GRIN2A: variants seen among roughly 807,000 people sequenced by gnomAD.
GRIN2A encodes glutamate receptor ionotropic, NMDA 2A.
In GRIN2A, 22 loss-of-function variants were observed where a neutral mutation model predicts 113.4. The ratio of observed to expected loss-of-function variants is 0.19; its 90% CI spans 0.14 to 0.28. The LOEUF is 0.28. Among genes scored for constraint, GRIN2A ranks in the 10% least tolerant of loss-of-function variants. The pLI is 1.00. For missense variants in GRIN2A, 1,502 were observed against 1,887.0 expected, an observed-to-expected ratio of 0.80 and a Z score of 3.78; for synonymous variants, 827 against 738.4, an observed-to-expected ratio of 1.12 and a Z score of -1.94.
chr16:10,099,186 G>A (rs2048349225), intron 2 of GRIN2A, among the ~76,000 whole-genome samples: 1 of 152,090 alleles, frequency 6.6e-6, no homozygotes, highest in Non-Finnish European at 1.5e-5. Context: ...GCATCATTAT[G>A]AGTAACTGCA....
chr16:10,019,639 C>T (rs1162996672), intron 2 of GRIN2A, among the ~76,000 whole-genome samples: 2 of 152,222 alleles, frequency 1.3e-5, no homozygotes, highest in East Asian at 1.9e-4. Flanking sequence ...ACCCCCAATG[C>T]CTCTTTACTA....
At chr16:10,143,874 G>T (rs914417040) in intron 2 of GRIN2A, among the ~76,000 whole-genome samples, 1 of 152,134 alleles carries the variant, frequency 6.6e-6, no homozygotes, top group African/African-American at 2.4e-5. Flanking sequence ...GCTGAGGCAG[G>T]AGGATTGCTT....
chr16:10,049,611 T>C (rs2141981110), intron 2 of GRIN2A, among the ~76,000 whole-genome samples: 1 of 152,292 alleles, frequency 6.6e-6, no homozygotes, highest in East Asian at 1.9e-4. Context: ...ACTCCTGACA[T>C]CAGGTGATCC....
chr16:9,774,025 G>T (rs1176199195), intron 11 of GRIN2A, among the ~76,000 whole-genome samples: 2 of 148,576 alleles, frequency 1.3e-5, no homozygotes, highest in East Asian at 1.9e-4. Context: ...AAGGGAACAG[G>T]CAAGGATAAT....
At chr16:10,070,043 C>T (rs1205221573) in intron 2 of GRIN2A, among the ~76,000 whole-genome samples, 1 of 152,196 alleles carries the variant, frequency 6.6e-6, no homozygotes. Context: ...CAATGTTCCC[C>T]ACTCCAGCAG....
At chr16:9,895,105 C>T (rs2043777284) in intron 3 of GRIN2A, among the ~76,000 whole-genome samples, 1 of 152,080 alleles carries the variant, frequency 6.6e-6, no homozygotes, top group African/African-American at 2.4e-5. Flanking sequence ...CTTAATTTTT[C>T]AAGGTTGGGG....
intron 2 of GRIN2A, among the ~76,000 whole-genome samples, chr16:10,096,539 A>AACACACAC (rs59351819): frequency 0.15 from 21,211 of 137,598 alleles, 1,957 homozygotes; most frequent in East Asian, 0.3. Context: ...ATTGTGGTAA[A>AACACACAC]ACACACACAC....
chr16:9,798,631 A>C (rs1045458215), intron 10 of GRIN2A, among the ~76,000 whole-genome samples, 167 bp from the exon 11 acceptor site: 2 of 152,314 alleles, frequency 1.3e-5, no homozygotes, highest in Non-Finnish European at 2.9e-5. Context: ...TTTAATGAGG[A>C]GATAAAAGCC....
intron 2 of GRIN2A, among the ~76,000 whole-genome samples, chr16:10,177,442 T>G (rs953786745): frequency 6.6e-6 from 1 of 152,126 alleles, no homozygotes; most frequent in Non-Finnish European, 1.5e-5. Context: ...GGCCAATGTC[T>G]CCAAGACCAA....
At chr16:10,135,619 T>C (rs750489275) in intron 2 of GRIN2A, among the ~76,000 whole-genome samples, 1 of 152,172 alleles carries the variant, frequency 6.6e-6, no homozygotes, top group Non-Finnish European at 1.5e-5. Context: ...GCGGGAGACA[T>C]ATATTAAGAA....
At chr16:9,946,087 C>T (rs947543238) in intron 2 of GRIN2A, among the ~76,000 whole-genome samples, 1 of 152,196 alleles carries the variant, frequency 6.6e-6, no homozygotes, top group African/African-American at 2.4e-5. Context: ...ACACAATGAT[C>T]ATTGCTCTTG....
intron 2 of GRIN2A, among the ~76,000 whole-genome samples, chr16:10,050,787 T>A (rs1472392514): frequency 6.6e-6 from 1 of 152,098 alleles, no homozygotes; most frequent in Non-Finnish European, 1.5e-5. Flanking sequence ...GCCAAAAAGA[T>A]TGAGGACCAC....
chr16:9,790,919 G>A (rs1298043949), intron 11 of GRIN2A, among the ~76,000 whole-genome samples: 3 of 152,292 alleles, frequency 2.0e-5, no homozygotes, highest in East Asian at 3.9e-4. Context: ...GTATGCCCTC[G>A]AGGAATCTAT....
intron 3 of GRIN2A, among the ~76,000 whole-genome samples, chr16:9,914,318 A>G (rs1202351230): frequency 6.6e-6 from 1 of 152,234 alleles, no homozygotes; most frequent in Non-Finnish European, 1.5e-5. Flanking sequence ...TGCACCAACA[A>G]GAAAGGCAGA....
chr16:9,822,278 G>T lies in GRIN2A; in HGVS notation c.2154C>A (p.Val718=). ...FNQKGVEDAL[V]SLKTGKLDAF... ...GCCATCCTTACCCCGTTTTCAGGCT[G>T]ACCAAGGCGTCCTCTACTCCTTTCT... The change falls in exon 10 of 13, where the codon GTC becomes GTA. Residue 718 remains valine, a synonymous_variant. Coordinates refer to ENST00000330684, the MANE Select transcript of GRIN2A (RefSeq NM_001134407.3). 6.2e-7 allele frequency: 1 copy of T among 1,613,760 alleles called. No homozygotes were observed. The highest frequency in any genetic ancestry group is 1.1e-5 in the South Asian group (1 of 91,056).
chr16:10,064,938 A>G (rs761765773), intron 2 of GRIN2A, among the ~76,000 whole-genome samples: 1 of 152,188 alleles, frequency 6.6e-6, no homozygotes, highest in Non-Finnish European at 1.5e-5. Context: ...ATCAATTGTT[A>G]CACTTTTTCA....
At chr16:9,946,539 ATTTT>A (rs568543824) in intron 2 of GRIN2A, among the ~76,000 whole-genome samples, 178 of 151,882 alleles carry the variant, frequency 1.2e-3, no homozygotes, top group African/African-American at 4.0e-3. Flanking sequence ...CCTGGTGGAT[ATTTT>A]TTATTCTGAC....
intron 3 of GRIN2A, among the ~76,000 whole-genome samples, chr16:9,894,945 T>C (rs2043774215): frequency 6.6e-6 from 1 of 152,168 alleles, no homozygotes; most frequent in African/African-American, 2.4e-5. Context: ...ATCAATCCAT[T>C]AATCCATCCA....
chr16:9,865,683 A>C lies in GRIN2A; in HGVS notation c.1123-15722T>G, dbSNP rs920226004. Reference sequence around the variant, plus strand: ...TAGATCACATGCATTCATCTTGCTCATTCATTCATGGAGTGCCTACTATGT... The same window carrying C: ...TAGATCACATGCATTCATCTTGCTCCTTCATTCATGGAGTGCCTACTATGT... On this transcript the variant is annotated intron_variant, in intron 4 of 12. Coordinates refer to ENST00000330684, the MANE Select transcript of GRIN2A (RefSeq NM_001134407.3). Among the ~76,000 whole-genome samples, 19 of 152,152 alleles carry C rather than the reference A, an allele frequency of 1.2e-4. 3 individuals carry two copies. The highest frequency in any genetic ancestry group is 1.2e-3 in the Admixed American group (18 of 15,266).
Sources: gnomAD v4.1 joint callset for allele counts (sites outside exome capture counted in the v4.1 genomes callset) on GRCh38, gnomAD v4.1.1 for gene constraint, MANE v1.5 for transcripts, NCBI Gene and HGNC (gene_info 2026-07-23, HGNC 2026-07-21) for gene names.